The following CALCRL variants were observed in gnomAD, a reference collection of about 807,000 sequenced individuals.
The protein encoded by CALCRL is calcitonin gene-related peptide type 1 receptor.
In CALCRL, 27 loss-of-function variants were observed where a neutral mutation model predicts 60.4. That is an observed-to-expected ratio of 0.45 (90% CI 0.33 to 0.62). The LOEUF (loss-of-function observed/expected upper bound fraction) is 0.62, where lower values mean the gene tolerates loss of function less well. Among genes scored for constraint, CALCRL ranks in the 20% least tolerant of loss-of-function variants. The pLI, the probability that CALCRL is intolerant of heterozygous loss-of-function variation, is 0.03. For synonymous variants in CALCRL, 190 were observed against 182.6 expected (o/e 1.04, Z -0.33); for missense variants, 424 against 540.7 (o/e 0.78, Z 2.14).
chr2:187,399,373 C>G (rs538568513), intron 1 of CALCRL, among the ~76,000 whole-genome samples: 2 of 151,272 alleles, frequency 1.3e-5, no homozygotes, highest in African/African-American at 4.8e-5. Context: ...ATATTCATAC[C>G]CAGCTCAAAA....
chr2:187,407,796 G>A (rs376124153), intron 1 of CALCRL, among the ~76,000 whole-genome samples: 1 of 152,056 alleles, frequency 6.6e-6, no homozygotes, highest in East Asian at 1.9e-4. Flanking sequence ...GCACTACATT[G>A]AATATGAATA....
intron 8 of CALCRL, among the ~76,000 whole-genome samples, chr2:187,370,733 ACTT>A (rs1307526425): frequency 1.3e-5 from 2 of 152,180 alleles, no homozygotes; most frequent in African/African-American, 4.8e-5. Flanking sequence ...CATGTCCATT[ACTT>A]CTTGCACTAC....
At chr2:187,406,187 C>CAAA (rs3836097) in intron 1 of CALCRL, among the ~76,000 whole-genome samples, 6,586 of 143,324 alleles carry the variant, frequency 0.046, 295 homozygotes, top group East Asian at 0.19. Context: ...CAAACACAAC[C>CAAA]AAAAAAAAAA....
Position 187,359,119 on chromosome 2 carries a change from T to C in CALCRL, c.853A>G (p.Ser285Gly). 1 of 1,613,054 alleles carries C rather than the reference T, an allele frequency of 6.2e-7. No individual in the cohort carries two copies. Among genetic ancestry groups the C allele is most frequent in the South Asian group, 1.1e-5 (1 of 91,044 alleles). ...SLYYNDNCWI[S>G]SDTHLLYIIH... is the part of the protein sequence containing the mutation. ...ATGTAGAGGAGATGGGTATCAGAAC[T>C]GATCCAGCAACTAGAGAAAACATAA... Residue 285 changes from serine (S) to glycine (G), a missense_variant, in exon 12 of 15, where the codon AGT (serine) becomes GGT (glycine). By Grantham distance (56) the Ser-to-Gly change is moderately conservative (BLOSUM62 0). Around this residue, in one of 7 missense-constraint regions of CALCRL, gnomAD observed 222 missense variants for 265.6 expected, o/e 0.84. Coordinates refer to ENST00000392370, the MANE Select transcript of CALCRL (RefSeq NM_005795.6).
chr2:187,420,584 G>A (rs2105871648), intron 1 of CALCRL, among the ~76,000 whole-genome samples: 1 of 152,024 alleles, frequency 6.6e-6, no homozygotes, highest in Non-Finnish European at 1.5e-5. Context: ...TTATTTGGAA[G>A]TCCAAAATTG....
intron 1 of CALCRL, among the ~76,000 whole-genome samples, chr2:187,434,274 C>G (rs1316155293): frequency 6.6e-6 from 1 of 152,066 alleles, no homozygotes; most frequent in Non-Finnish European, 1.5e-5. Context: ...TAATCCTTCT[C>G]TTAAATAGTT....
intron 1 of CALCRL, chr2:187,431,512 A>C (rs1335140072): frequency 6.5e-6 from 1 of 154,536 alleles, no homozygotes; most frequent in Non-Finnish European, 1.5e-5. Context: ...TTTCAATGGA[A>C]AGTTGGGAGG....
In CALCRL at chr2:187,380,470, C is replaced by T. The variant is rs1489149939; in HGVS notation, c.405G>A (p.Val135=). Reference sequence around the variant, plus strand: ...TCAATTCAGAATTATGACATACCTTCACTTTCTCGTGGGTGTTAACATTAC... The same window carrying T: ...TCAATTCAGAATTATGACATACCTTTACTTTCTCGTGGGTGTTAACATTAC... ...TQCNVNTHEK[V]KTALNLFYLT... The change falls in exon 7 of 15, where the codon GTG becomes GTA. Residue 135 remains valine, a synonymous_variant. Coordinates refer to ENST00000392370, the MANE Select transcript of CALCRL (RefSeq NM_005795.6). 4 of 1,566,072 alleles carry T rather than the reference C, an allele frequency of 2.6e-6. No individual in the cohort carries two copies. Among genetic ancestry groups the T allele is most frequent in the Non-Finnish European group, 3.5e-6 (4 of 1,137,122 alleles).
intron 4 of CALCRL, among the ~76,000 whole-genome samples, chr2:187,385,183 A>G (rs1314829354): frequency 6.6e-6 from 1 of 152,218 alleles, no homozygotes; most frequent in Non-Finnish European, 1.5e-5. Context: ...CATCAATGAG[A>G]GAATCATTTT....
chr2:187,357,293 G>A (rs1345817872), intron 12 of CALCRL, among the ~76,000 whole-genome samples: 1 of 151,896 alleles, frequency 6.6e-6, no homozygotes, highest in Non-Finnish European at 1.5e-5. Flanking sequence ...AGAAAATGTG[G>A]CATATATACA....
chr2:187,397,361 C>A (rs544305548), intron 1 of CALCRL, among the ~76,000 whole-genome samples: 3 of 151,034 alleles, frequency 2.0e-5, no homozygotes, highest in African/African-American at 7.3e-5. Flanking sequence ...AAGTATATTC[C>A]CAGATAGGAT....
At chr2:187,435,156 T>C (rs2105899501) in intron 1 of CALCRL, among the ~76,000 whole-genome samples, 1 of 152,120 alleles carries the variant, frequency 6.6e-6, no homozygotes, top group East Asian at 1.9e-4. Context: ...ATAAAGAAAA[T>C]AGGTTGAATT....
At chr2:187,395,855 G>A (rs144277259) in intron 1 of CALCRL, among the ~76,000 whole-genome samples, 111 of 151,908 alleles carry the variant, frequency 7.3e-4, no homozygotes, top group African/African-American at 2.5e-3. Flanking sequence ...TGCCTTCCCA[G>A]GTGTTTCCTA....
intron 5 of CALCRL, among the ~76,000 whole-genome samples, chr2:187,381,323 T>C (rs1227226712): frequency 6.6e-6 from 1 of 152,190 alleles, no homozygotes; most frequent in Non-Finnish European, 1.5e-5. Context: ...TAAGGTAGAA[T>C]GTTCAATAAT....
intron 9 of CALCRL, 123 bp downstream of exon 9, chr2:187,363,253 T>A: frequency 1.1e-6 from 1 of 913,734 alleles, no homozygotes; most frequent in Non-Finnish European, 1.5e-6. Context: ...AAAATATATA[T>A]ATATGTCAGA....
chr2:187,383,661 A>G (rs1189542350), intron 4 of CALCRL, among the ~76,000 whole-genome samples: 5 of 152,150 alleles, frequency 3.3e-5, no homozygotes, highest in Non-Finnish European at 7.3e-5. Context: ...GGCTCTATGA[A>G]TGAAGGCAAG....
intron 8 of CALCRL, among the ~76,000 whole-genome samples, chr2:187,364,794 A>C (rs1015602882): frequency 6.6e-6 from 1 of 152,170 alleles, no homozygotes; most frequent in Non-Finnish European, 1.5e-5. Flanking sequence ...ATAAATTGTC[A>C]ATATATTCCT....
chr2:187,409,988 T>G (rs554833724), intron 1 of CALCRL, among the ~76,000 whole-genome samples: 55 of 152,134 alleles, frequency 3.6e-4, no homozygotes, highest in Non-Finnish European at 7.1e-4. Context: ...GTTTGATGAC[T>G]TGTTAAAGAC....
rs139159623 is a variant in CALCRL at position 187,353,251 on chromosome 2, G to A, written c.910-919C>T. On this transcript the variant is annotated intron_variant, in intron 12 of 14. Coordinates refer to ENST00000392370, the MANE Select transcript of CALCRL (RefSeq NM_005795.6). ...ATGCCCATTCCTTATGCCTTCCATAGAATCATGAATATTAATTCCAGAAGA... is the reference window on the plus strand; with the variant it reads ...ATGCCCATTCCTTATGCCTTCCATAAAATCATGAATATTAATTCCAGAAGA... Among the ~76,000 whole-genome samples the A allele has an allele frequency of 7.1e-3, 1,073 of 151,870 alleles. 6 individuals are homozygous for A. The highest frequency in any genetic ancestry group is 7.4e-3 in the African/African-American group (307 of 41,446).
Sources: allele counts gnomAD v4.1 joint callset (sites outside exome capture counted in the v4.1 genomes callset), GRCh38; gene constraint gnomAD v4.1.1; regional missense constraint gnomAD v4.1.1; transcripts MANE v1.5; gene names NCBI Gene and HGNC (gene_info 2026-07-23, HGNC 2026-07-21).